Variants in ZBTB38 observed in about 807,000 individuals in gnomAD.
ZBTB38 encodes zinc finger and BTB domain-containing protein 38.
ZBTB38 carries 20 observed loss-of-function variants against 76.8 expected under a neutral mutation model. The observed-to-expected ratio is 0.26, with a 90% confidence interval of 0.18 to 0.38. The LOEUF (loss-of-function observed/expected upper bound fraction) is 0.38, where lower values mean the gene tolerates loss of function less well. Among genes scored for constraint, ZBTB38 ranks in the 10% least tolerant of loss-of-function variants. The pLI, the probability that ZBTB38 is intolerant of heterozygous loss-of-function variation, is 1.00. For synonymous variants in ZBTB38, 504 were observed against 544.2 expected (o/e 0.93, Z 1.03); for missense variants, 1,082 against 1,482.3 (o/e 0.73, Z 4.43).
intron 5 of ZBTB38, among the ~76,000 whole-genome samples, chr3:141,404,892 T>C (rs1358733227): frequency 2.0e-5 from 3 of 152,174 alleles, no homozygotes; most frequent in African/African-American, 7.2e-5. Context: ...GGATGGACGG[T>C]GCTTGCCATT....
At chr3:141,431,341 A>AAAAAAAAAAAAAAAAT in intron 5 of ZBTB38, among the ~76,000 whole-genome samples, 1 of 103,296 alleles carries the variant, frequency 9.7e-6, no homozygotes. Context: ...AAAAAAAAAA[A>AAAAAAAAAAAAAAAAT]ATATATATAT....
chr3:141,399,173 A>T (rs573204878), intron 4 of ZBTB38, among the ~76,000 whole-genome samples: 1 of 151,968 alleles, frequency 6.6e-6, no homozygotes, highest in Non-Finnish European at 1.5e-5. Context: ...TTTATATAAA[A>T]ATCCTGATTT....
At chr3:141,404,332 C>T (rs1953535437) in intron 5 of ZBTB38, among the ~76,000 whole-genome samples, 1 of 152,160 alleles carries the variant, frequency 6.6e-6, no homozygotes, top group African/African-American at 2.4e-5. Flanking sequence ...TGGAAGGATG[C>T]ACTGACATTG....
chr3:141,432,425 T>C lies in ZBTB38; in HGVS notation c.1-9964T>C, dbSNP rs182452279. 1.5e-3 allele frequency among the ~76,000 whole-genome samples: 235 copies of C among 152,278 alleles called. 1 individual carries two copies. The highest frequency in any genetic ancestry group is 5.3e-3 in the African/African-American group (221 of 41,552). On this transcript the variant is annotated intron_variant, in intron 5 of 5. Coordinates refer to ENST00000321464, the MANE Select transcript of ZBTB38 (RefSeq NM_001376113.1). Reference sequence around the variant, plus strand: ...GAGGGCTCTTGGCCTTTTCCTCTGATTAGAAGATTAAAAAAAATGGGGTTC... The same window carrying C: ...GAGGGCTCTTGGCCTTTTCCTCTGACTAGAAGATTAAAAAAAATGGGGTTC...
In ZBTB38 at chr3:141,413,305, G is replaced by A. The variant is rs1047368822; in HGVS notation, c.-1+9274G>A. 1.3e-5 allele frequency among the ~76,000 whole-genome samples: 2 copies of A among 152,074 alleles called. No individual in the cohort carries two copies. The highest frequency in any genetic ancestry group is 2.9e-5 in the Non-Finnish European group (2 of 68,008). ...TGCAGGAGGTCCTCACACCCCAGAC[G>A]GTCAGAATGCTCCCCAGACTGAGGA... On this transcript the variant is annotated intron_variant, in intron 5 of 5. Coordinates refer to ENST00000321464, the MANE Select transcript of ZBTB38 (RefSeq NM_001376113.1). This position sits in a 1 kb window ranked among gnomAD's most constrained non-coding sequence, Gnocchi z 4.1.
chr3:141,395,840 T>C (rs1435686939), intron 4 of ZBTB38, among the ~76,000 whole-genome samples: 1 of 152,168 alleles, frequency 6.6e-6, no homozygotes, highest in African/African-American at 2.4e-5. Flanking sequence ...CATATAAAAG[T>C]TGTGTTTGCA....
chr3:141,390,083 A>G (rs1229641112), intron 4 of ZBTB38: 1 of 152,232 alleles, frequency 6.6e-6, no homozygotes, highest in Non-Finnish European at 1.5e-5. Flanking sequence ...TGAATAGAAT[A>G]ATAATTACTA....
rs77404499 is a variant in ZBTB38, at chr3:141,446,098, C to T, written c.*122C>T. 2 of 776,650 alleles carry T rather than the reference C, an allele frequency of 2.6e-6. No individual in the cohort carries two copies. Among genetic ancestry groups the T allele is most frequent in the Non-Finnish European group, 3.7e-6 (2 of 542,614 alleles). 48.1% of individuals were successfully genotyped at this position (776,650 alleles called of 1,614,324 possible). A position where few individuals can be genotyped will look rare whatever the true frequency, so the allele number is the denominator to read the frequency against. ...GGAGTGAAATTAAAAAAAAAAAAAACTCATTTGTGAAAATTCCAGAAAAAG... is the reference window on the plus strand; with the variant it reads ...GGAGTGAAATTAAAAAAAAAAAAAATTCATTTGTGAAAATTCCAGAAAAAG... On this transcript the variant is annotated 3_prime_UTR_variant, in exon 6 of 6. Coordinates refer to ENST00000321464, the MANE Select transcript of ZBTB38 (RefSeq NM_001376113.1).
At chr3:141,352,622 C>G (rs1251262082) in intron 1 of ZBTB38, among the ~76,000 whole-genome samples, 1 of 151,950 alleles carries the variant, frequency 6.6e-6, no homozygotes, top group Non-Finnish European at 1.5e-5. Context: ...TGGGGGAGAA[C>G]TTAAAGCAAA....
rs144419697 is a variant in ZBTB38 at position 141,443,709 on chromosome 3, G to A, written c.1321G>A (p.Gly441Arg). 6.8e-5 allele frequency: 109 copies of A among 1,614,026 alleles called. No homozygotes were observed. Among genetic ancestry groups the A allele is most frequent in the Admixed American group, 2.8e-4 (17 of 60,034 alleles). The change falls in exon 6 of 6, where the codon GGA becomes AGA. Residue 441 changes from glycine (G) to arginine (R), a missense_variant. By Grantham distance (125) the Gly-to-Arg change is moderately radical. This residue lies in a region of ZBTB38 where 324 missense variants were observed against 359.1 expected (regional missense o/e 0.90). Coordinates refer to ENST00000321464, the MANE Select transcript of ZBTB38 (RefSeq NM_001376113.1). This position sits in a 1 kb window ranked among gnomAD's most constrained non-coding sequence, Gnocchi z 5.6. Reference sequence around the variant, plus strand: ...TAGGATTGGTGAATTTTCCAGTACCGGAAGTACTTTGCCAGACACGGACCA... The same window carrying A: ...TAGGATTGGTGAATTTTCCAGTACCAGAAGTACTTTGCCAGACACGGACCA... ...ENRIGEFSST[G>R]STLPDTDHMV...
upstream of ZBTB38, among the ~76,000 whole-genome samples, chr3:141,364,230 C>T (rs1048154610): frequency 2.8e-5 from 4 of 144,084 alleles, no homozygotes; most frequent in Admixed American, 2.8e-4. Context: ...AGTTCAAGAC[C>T]AGTTGGACTT....
chr3:141,365,518 A>G (rs1313810869), upstream of ZBTB38, among the ~76,000 whole-genome samples: 1 of 152,106 alleles, frequency 6.6e-6, no homozygotes, highest in Admixed American at 6.5e-5. Context: ...CCATTAACCA[A>G]TTAATCCATT....
intron 5 of ZBTB38, among the ~76,000 whole-genome samples, chr3:141,408,952 C>A (rs1311170717): frequency 6.6e-6 from 1 of 152,156 alleles, no homozygotes; most frequent in Non-Finnish European, 1.5e-5. Flanking sequence ...ATTATCTCAG[C>A]CATCTTTTAG....
chr3:141,378,938 G>T (rs1945805337), intron 2 of ZBTB38, among the ~76,000 whole-genome samples: 1 of 152,168 alleles, frequency 6.6e-6, no homozygotes, highest in South Asian at 2.1e-4. Context: ...TTCTGGAATG[G>T]CTCTTTGCTC....
intron 1 of ZBTB38, among the ~76,000 whole-genome samples, chr3:141,352,247 C>A (rs1386773940): frequency 1.3e-4 from 19 of 151,986 alleles, no homozygotes; most frequent in Non-Finnish European, 2.6e-4. Context: ...CATGCAGAAA[C>A]CCAAATGAAG....
At chr3:141,432,734 A>G (rs2077892453) in intron 5 of ZBTB38, among the ~76,000 whole-genome samples, 1 of 152,258 alleles carries the variant, frequency 6.6e-6, no homozygotes. Context: ...GATCGCCTTA[A>G]CTAATTGAAG....
chr3:141,403,719 A>G (rs1488082584), intron 4 of ZBTB38, among the ~76,000 whole-genome samples: 1 of 152,238 alleles, frequency 6.6e-6, no homozygotes, highest in Non-Finnish European at 1.5e-5. Context: ...GTGGTCCATT[A>G]GAGTCTCCGT....
At chr3:141,337,660 G>T (rs1347637533) in intron 1 of ZBTB38, among the ~76,000 whole-genome samples, 1 of 152,194 alleles carries the variant, frequency 6.6e-6, no homozygotes, top group East Asian at 1.9e-4. Context: ...CAGGTTTGAT[G>T]ATCCCCTTTG....
rs1196598198 is a variant in ZBTB38 at position 141,442,043 on chromosome 3, C to T, written c.1-346C>T. Among the ~76,000 whole-genome samples the T allele has an allele frequency of 2.6e-5, 4 of 151,050 alleles. No individual in the cohort carries two copies. The highest frequency in any genetic ancestry group is 4.2e-4 in the South Asian group (2 of 4,770). On this transcript the variant is annotated intron_variant, in intron 5 of 5. Coordinates refer to ENST00000321464, the MANE Select transcript of ZBTB38 (RefSeq NM_001376113.1). This position sits in a 1 kb window ranked among gnomAD's most constrained non-coding sequence, Gnocchi z 6.4. ...AGCTCTAGTAGTTCAAAGCAGCAGC[C>T]TTGAATGATGATGAGACCCTTAACA...
Sources: gnomAD v4.1 joint callset for allele counts (sites outside exome capture counted in the v4.1 genomes callset) on GRCh38, gnomAD v4.1.1 for gene constraint, gnomAD v4.1.1 regional missense constraint, Gnocchi (gnomAD v3.1) non-coding constraint, MANE v1.5 for transcripts, NCBI Gene and HGNC (gene_info 2026-07-23, HGNC 2026-07-21) for gene names.